Variants in DPP9 observed in about 807,000 individuals in gnomAD.
The protein encoded by DPP9 is dipeptidyl peptidase 9.
DPP9 carries 50 observed loss-of-function variants against 110.7 expected under a neutral mutation model. The ratio of observed to expected loss-of-function variants is 0.45; its 90% CI spans 0.36 to 0.57. The LOEUF (loss-of-function observed/expected upper bound fraction) is 0.57, where lower values mean the gene tolerates loss of function less well. Among genes scored for constraint, DPP9 ranks in the 20% least tolerant of loss-of-function variants. The pLI is 0.00. For missense variants in DPP9, 1,022 were observed against 1,217.9 expected (o/e 0.84, Z 2.39); for synonymous variants, 561 against 514.4 (o/e 1.09, Z -1.23).
Position 4,685,494 on chromosome 19 carries a change from TG to T in DPP9, c.2031+131del. The T allele has an allele frequency of 9.7e-7, 1 of 1,030,266 alleles. No homozygotes were observed. The highest frequency in any genetic ancestry group is 1.4e-6 in the Non-Finnish European group (1 of 703,832). The allele number at this position is 1,030,266 out of a possible 1,614,324, so 63.8% of individuals were successfully genotyped here. On this transcript the variant is annotated intron_variant, in intron 17 of 21. Transcript: ENST00000262960. This position sits in a 1 kb window ranked among gnomAD's most constrained non-coding sequence, Gnocchi z 5.8. ...CCCTGTGTAGTCAGGGCAGGCGGGG[TG>T]GGCTGGGGCACCAGGCAGGTAGCCG...
chr19:4,714,086 T>G lies in DPP9; in HGVS notation c.308A>C (p.Tyr103Ser). Reference sequence around the variant, plus strand: ...GCCTGCAGGGCCCGGCTTACCCAGGTAGTAGAGGCGGTGGGAGTGGGGCCC... The same window carrying G: ...GCCTGCAGGGCCCGGCTTACCCAGGGAGTAGAGGCGGTGGGAGTGGGGCCC... ...ESGPHSHRLYYLGMPYGSREN... is the reference protein window; with the variant it reads ...ESGPHSHRLYSLGMPYGSREN... Residue 103 changes from tyrosine (Y) to serine (S), a missense_variant, in exon 4 of 22, where the codon TAC becomes TCC. Tyr to Ser is a moderately radical substitution (Grantham distance 144, BLOSUM62 -2). This residue lies in a region of DPP9 where 810 missense variants were observed against 920.6 expected (regional missense o/e 0.88). Coordinates refer to ENST00000262960, the MANE Select transcript of DPP9 (RefSeq NM_139159.5). 6.2e-7 allele frequency: 1 copy of G among 1,611,070 alleles called. No homozygotes were observed. The highest frequency in any genetic ancestry group is 8.5e-7 in the Non-Finnish European group (1 of 1,178,426).
At position 4,698,080 on chromosome 19, in the gene DPP9, CAG is replaced by C; in HGVS notation, c.1075-431_1075-430del. On this transcript the variant is annotated intron_variant, in intron 10 of 21. Coordinates refer to ENST00000262960, the MANE Select transcript of DPP9 (RefSeq NM_139159.5). The surrounding 1 kb of genome is among the most constrained non-coding windows in gnomAD (Gnocchi z 4.2). Reference sequence around the variant, plus strand: ...GGCCCAAACAAATGACTACACCCAACAGGGGCAGGTGGGCTGGGCAAGCCAAC... The same window carrying C: ...GGCCCAAACAAATGACTACACCCAACGGGCAGGTGGGCTGGGCAAGCCAAC... Among the ~76,000 whole-genome samples, 1 of 149,126 alleles carries C rather than the reference CAG, an allele frequency of 6.7e-6. No individual in the cohort carries two copies. Among genetic ancestry groups the C allele is most frequent in the South Asian group, 2.2e-4 (1 of 4,446 alleles).
At chr19:4,691,263 C>T (rs1358587083) in intron 13 of DPP9, among the ~76,000 whole-genome samples, 1 of 151,856 alleles carries the variant, frequency 6.6e-6, no homozygotes, top group Admixed American at 6.6e-5. Context: ...TGCTTGAGGC[C>T]AGGAGTTTGA....
intron 20 of DPP9, among the ~76,000 whole-genome samples, chr19:4,681,460 G>A (rs990602959): frequency 6.6e-6 from 1 of 151,376 alleles, no homozygotes. Context: ...GGGATTACAG[G>A]TGTGTGTCAC....
In DPP9 at chr19:4,689,666, C is replaced by T. The variant is rs191470078; in HGVS notation, c.1653G>A (p.Pro551=). 4.5e-6 allele frequency: 7 copies of T among 1,562,440 alleles called. No individual in the cohort carries two copies. The highest frequency in any genetic ancestry group is 2.4e-5 in the East Asian group (1 of 41,728). The change falls in exon 15 of 22, where the codon CCG becomes CCA. Residue 551 remains proline (P), a synonymous_variant. Transcript: ENST00000262960. The surrounding 1 kb of genome is among the most constrained non-coding windows in gnomAD (Gnocchi z 7.0). ...TGACCACGTAGAGGTGGTGCTCCAGCGGCGTGTCCTTGGTGCCCTGGAAGT... is the reference window on the plus strand; with the variant it reads ...TGACCACGTAGAGGTGGTGCTCCAGTGGCGTGTCCTTGGTGCCCTGGAAGT... ...LVYFQGTKDT[P]LEHHLYVVSY... is the part of the protein sequence containing the mutation.
At chr19:4,702,525 G>C in intron 8 of DPP9, 78 bp downstream of exon 8, 1 of 1,112,946 alleles carries the variant, frequency 9.0e-7, no homozygotes, top group Non-Finnish European at 1.3e-6. Flanking sequence ...AAAGGAGTAA[G>C]GCGCAGGAAG....
Position 4,679,848 on chromosome 19 carries a change from G to T in DPP9, c.2573C>A (p.Pro858His). Residue 858 changes from proline to histidine, a missense_variant, in exon 21 of 22, where the codon CCT becomes CAT. By Grantham distance (77) the Pro-to-His change is moderately conservative. Around this residue, in one of 3 missense-constraint regions of DPP9, gnomAD observed 209 missense variants for 280.4 expected, o/e 0.75. Coordinates refer to ENST00000262960, the MANE Select transcript of DPP9 (RefSeq NM_139159.5). ...LVSQLIRAGK[P>H]YQLQIYPNER... ...ACAGCCACCCACCTGGAGCTGGTAA[G>T]GTTTCCCTGCTCGGATCAGTTGGGA... 1 of 1,611,810 alleles carries T rather than the reference G, an allele frequency of 6.2e-7. No individual in the cohort carries two copies. Among genetic ancestry groups the T allele is most frequent in the Non-Finnish European group, 8.5e-7 (1 of 1,178,992 alleles).
At position 4,684,026 on chromosome 19, in the gene DPP9, C is replaced by G. The variant is rs1174496737; in HGVS notation, c.2179-397G>C. 1 of 381,610 alleles carries G rather than the reference C, an allele frequency of 2.6e-6. No homozygotes were observed. Among genetic ancestry groups the G allele is most frequent in the Non-Finnish European group, 5.0e-6 (1 of 198,572 alleles). 23.6% of individuals were successfully genotyped at this position (381,610 alleles called of 1,614,324 possible). A position where few individuals can be genotyped will look rare whatever the true frequency, so the allele number is the denominator to read the frequency against. ...CGCCGTTGTCACTACCAGCCACATC[C>G]CCACCACCGCCACTGCCACGATTTC... On this transcript the variant is annotated intron_variant, in intron 18 of 21. Transcript: ENST00000262960. The surrounding 1 kb of genome is among the most constrained non-coding windows in gnomAD (Gnocchi z 4.8).
At chr19:4,697,487 G>A (rs767968707) in intron 11 of DPP9, 64 bp downstream of exon 11, 112 of 1,410,270 alleles carry the variant, frequency 7.9e-5, no homozygotes, top group Non-Finnish European at 1.1e-4. Flanking sequence ...AGGCAGCTTC[G>A]GTGGCTGCCC....
At chr19:4,697,689 C>A in intron 10 of DPP9, 38 bp from the exon 11 acceptor site, 1 of 1,568,024 alleles carries the variant, frequency 6.4e-7, no homozygotes, top group Non-Finnish European at 8.8e-7. Flanking sequence ...ATGCCCTGGC[C>A]TGCCCGGCGC....
At chr19:4,688,622 G>T in intron 16 of DPP9, 135 bp downstream of exon 16, 2 of 1,129,176 alleles carry the variant, frequency 1.8e-6, no homozygotes, top group Non-Finnish European at 2.3e-6. Context: ...CCAGATGCTT[G>T]GAGGGGCCTG....
At chr19:4,705,305 C>CCTT (rs1161236679) in intron 5 of DPP9, among the ~76,000 whole-genome samples, 1 of 152,164 alleles carries the variant, frequency 6.6e-6, no homozygotes, top group Non-Finnish European at 1.5e-5. Flanking sequence ...CTCACTGTAG[C>CCTT]CTTGCCCTCC....
chr19:4,685,261 C>G lies in DPP9; in HGVS notation c.2031+365G>C, dbSNP rs1172501553. ...GGGTAAGATGTGCGCCTAAGATGGT[C>G]CAACTGCCAATCTGCTGCCTGCTTT... On this transcript the variant is annotated intron_variant, in intron 17 of 21. Coordinates refer to ENST00000262960, the MANE Select transcript of DPP9 (RefSeq NM_139159.5). This position sits in a 1 kb window ranked among gnomAD's most constrained non-coding sequence, Gnocchi z 5.8. 1 of 530,358 alleles carries G rather than the reference C, an allele frequency of 1.9e-6. No homozygotes were observed. The highest frequency in any genetic ancestry group is 3.6e-6 in the Non-Finnish European group (1 of 275,298). The allele number at this position is 530,358 out of a possible 1,614,324, so 32.9% of individuals were successfully genotyped here.
intron 2 of DPP9, among the ~76,000 whole-genome samples, chr19:4,721,069 C>A (rs568378076): frequency 6.6e-6 from 1 of 152,206 alleles, no homozygotes; most frequent in East Asian, 1.9e-4. Context: ...ACCGGCCCCC[C>A]CAGGGGACAT....
intron 4 of DPP9, among the ~76,000 whole-genome samples, chr19:4,711,472 T>G (rs1350237343): frequency 6.6e-6 from 1 of 151,708 alleles, no homozygotes; most frequent in Non-Finnish European, 1.5e-5. Flanking sequence ...GCATCATGAG[T>G]CCTTATCAGA....
At position 4,693,661 on chromosome 19, in the gene DPP9, C is replaced by T. The variant is rs369667374; in HGVS notation, c.1516+1000G>A. 4.2e-3 allele frequency among the ~76,000 whole-genome samples: 641 copies of T among 152,260 alleles called. 10 individuals carry two copies. Among genetic ancestry groups the T allele is most frequent in the African/African-American group, 0.011 (461 of 41,554 alleles). Reference sequence around the variant, plus strand: ...GCCACTGCCATGACAGCAAGCCTGTCGCCTCTCCCGGCCCCTGGGCCTGTG... The same window carrying T: ...GCCACTGCCATGACAGCAAGCCTGTTGCCTCTCCCGGCCCCTGGGCCTGTG... On this transcript the variant is annotated intron_variant, in intron 13 of 21. Transcript: ENST00000262960. This position sits in a 1 kb window ranked among gnomAD's most constrained non-coding sequence, Gnocchi z 5.0.
In DPP9 at chr19:4,687,209, A is replaced by G. The variant is rs1599879798; in HGVS notation, c.1886-1438T>C. The stretch of plus-strand genomic sequence containing the variant: ...GGAGGCCTGGGATCTGTTTCTGCTC[A>G]GGGGTGAGGGCATCACAAAATGCTT... On this transcript the variant is annotated intron_variant, in intron 16 of 21. Transcript: ENST00000262960. This position sits in a 1 kb window ranked among gnomAD's most constrained non-coding sequence, Gnocchi z 4.7. 6.6e-6 allele frequency among the ~76,000 whole-genome samples: 1 copy of G among 152,246 alleles called. No homozygotes were observed. Among genetic ancestry groups the G allele is most frequent in the East Asian group, 1.9e-4 (1 of 5,174 alleles).
In DPP9 at chr19:4,676,750, G is replaced by A. The variant is rs1254182657; in HGVS notation, c.2587-94C>T. On this transcript the variant is annotated intron_variant, in intron 21 of 21. Transcript: ENST00000262960. This position sits in a 1 kb window ranked among gnomAD's most constrained non-coding sequence, Gnocchi z 4.0. ...TATTCTGGCTCAGGGCATCCGGGAAGGCGCAGGTGCTCTGAGGCCCAGTGA... is the reference window on the plus strand; with the variant it reads ...TATTCTGGCTCAGGGCATCCGGGAAAGCGCAGGTGCTCTGAGGCCCAGTGA... 2 of 1,039,750 alleles carry A rather than the reference G, an allele frequency of 1.9e-6. No individual in the cohort carries two copies. The highest frequency in any genetic ancestry group is 2.0e-5 in the Admixed American group (1 of 49,872). 64.4% of individuals were successfully genotyped at this position (1,039,750 alleles called of 1,614,324 possible).
chr19:4,680,262 C>A (rs1337403161), intron 20 of DPP9, among the ~76,000 whole-genome samples: 1 of 147,270 alleles, frequency 6.8e-6, no homozygotes, highest in Non-Finnish European at 1.5e-5. Context: ...AAAAGATCAG[C>A]TGAGTGTAGT....
Sources: gnomAD v4.1 joint callset for allele counts (sites outside exome capture counted in the v4.1 genomes callset) on GRCh38, gnomAD v4.1.1 for gene constraint, gnomAD v4.1.1 regional missense constraint, Gnocchi (gnomAD v3.1) non-coding constraint, MANE v1.5 for transcripts, NCBI Gene and HGNC (gene_info 2026-07-23, HGNC 2026-07-21) for gene names.